The following CENPP variants were observed in gnomAD, a reference collection of about 807,000 sequenced individuals.
The protein encoded by CENPP is centromere protein P.
A neutral mutation model predicts 35.6 loss-of-function variants in CENPP; 24 were observed. That is an observed-to-expected ratio of 0.67 (90% CI 0.49 to 0.95). The LOEUF is 0.95. Among genes scored for constraint, CENPP ranks in the 40% least tolerant of loss-of-function variants. The probability of loss-of-function intolerance (pLI) is 0.00; values close to 1 mark genes in which losing one functional copy is unlikely to be tolerated. For missense variants in CENPP, 332 were observed against 345.3 expected (o/e 0.96, Z 0.31); for synonymous variants, 120 against 125.5 (o/e 0.96, Z 0.29).
intron 5 of CENPP, among the ~76,000 whole-genome samples, chr9:92,454,056 C>G (rs1844799148): frequency 1.3e-5 from 2 of 152,108 alleles, no homozygotes; most frequent in Admixed American, 1.3e-4. Flanking sequence ...TTCATAAACC[C>G]AATAAATAGT....
intron 5 of CENPP, among the ~76,000 whole-genome samples, chr9:92,445,807 T>A (rs1161459517): frequency 6.6e-6 from 1 of 151,532 alleles, no homozygotes. Context: ...CACTTGAACC[T>A]GAGAGGTGGA....
intron 5 of CENPP, among the ~76,000 whole-genome samples, chr9:92,572,703 C>T (rs1036087809): frequency 4.6e-5 from 7 of 152,174 alleles, no homozygotes; most frequent in African/African-American, 1.7e-4. Flanking sequence ...TGGTTCCATT[C>T]TCCCCGTCAC....
chr9:92,357,350 C>A lies in CENPP; in HGVS notation c.467+11563C>A, dbSNP rs77922687. ...TCTTACAGAGAAAGTTTAATGATAACCAACTCCCTCAACTTTTGTTTGCCT... is the reference window on the plus strand; with the variant it reads ...TCTTACAGAGAAAGTTTAATGATAAACAACTCCCTCAACTTTTGTTTGCCT... On this transcript the variant is annotated intron_variant, in intron 4 of 7. Coordinates refer to ENST00000375587, the MANE Select transcript of CENPP (RefSeq NM_001012267.3). Among the ~76,000 whole-genome samples, 81 of 151,920 alleles carry A rather than the reference C, an allele frequency of 5.3e-4. 2 individuals carry two copies. The East Asian group carries it at 0.015, about 29-fold the overall frequency.
chr9:92,544,108 T>C (rs1849375406), intron 5 of CENPP, among the ~76,000 whole-genome samples: 2 of 152,378 alleles, frequency 1.3e-5, no homozygotes, highest in Non-Finnish European at 1.5e-5. Context: ...TGTTGTCTTA[T>C]TCCTGATCTT....
chr9:92,535,196 A>G (rs747195383), intron 5 of CENPP, among the ~76,000 whole-genome samples: 5 of 152,226 alleles, frequency 3.3e-5, no homozygotes, highest in Non-Finnish European at 7.3e-5. Context: ...CAAAATCAGT[A>G]TCTAAACAGT....
chr9:92,339,516 T>C (rs1489656995), intron 3 of CENPP: 2 of 152,230 alleles, frequency 1.3e-5, no homozygotes, highest in African/African-American at 4.8e-5. Context: ...GCTCCCAGCC[T>C]GTACTCGTCT....
intron 5 of CENPP, among the ~76,000 whole-genome samples, chr9:92,489,517 C>T (rs1289339547): frequency 6.6e-6 from 1 of 152,192 alleles, no homozygotes; most frequent in Non-Finnish European, 1.5e-5. Flanking sequence ...GTTTGGCTGA[C>T]TGTTTTAAAT....
chr9:92,557,552 G>A (rs781160626), intron 5 of CENPP, among the ~76,000 whole-genome samples: 1 of 152,056 alleles, frequency 6.6e-6, no homozygotes, highest in Non-Finnish European at 1.5e-5. Flanking sequence ...GTTGGACTGG[G>A]TTAATTCAAA....
chr9:92,514,931 G>T, intron 5 of CENPP: 1 of 1,613,932 alleles, frequency 6.2e-7, no homozygotes, highest in South Asian at 1.1e-5. Context: ...CCAGGCCTCT[G>T]CTTTCTGTCT....
At chr9:92,505,602 G>A in intron 5 of CENPP, 1 of 1,611,438 alleles carries the variant, frequency 6.2e-7, no homozygotes, top group Admixed American at 1.7e-5. Context: ...AGTAGGCTAG[G>A]CTCTTCAAAG....
intron 5 of CENPP, among the ~76,000 whole-genome samples, chr9:92,574,609 T>A (rs1245530582): frequency 3.3e-5 from 5 of 152,212 alleles, no homozygotes; most frequent in Non-Finnish European, 7.3e-5. Flanking sequence ...CCCAAATTCA[T>A]GGATTGGAAG....
intron 3 of CENPP, among the ~76,000 whole-genome samples, chr9:92,340,670 G>A (rs1254607898): frequency 6.6e-6 from 1 of 152,078 alleles, no homozygotes; most frequent in Non-Finnish European, 1.5e-5. Context: ...AACATAAATT[G>A]TGAAGATTTC....
chr9:92,494,198 GTC>G, intron 5 of CENPP: 1 of 1,564,344 alleles, frequency 6.4e-7, no homozygotes, highest in African/African-American at 1.3e-5. Flanking sequence ...TTTAGTATCT[GTC>G]TCTGTGTCAT....
intron 5 of CENPP, among the ~76,000 whole-genome samples, chr9:92,483,571 G>T (rs1481307567): frequency 6.6e-6 from 1 of 152,152 alleles, no homozygotes. Context: ...ACTTACTGTT[G>T]TAAGTGACCC....
chr9:92,369,891 A>T (rs1316286491), intron 4 of CENPP, among the ~76,000 whole-genome samples: 1 of 152,144 alleles, frequency 6.6e-6, no homozygotes, highest in Non-Finnish European at 1.5e-5. Context: ...TAGAAGTCTT[A>T]TTCTAGTTTC....
intron 5 of CENPP, among the ~76,000 whole-genome samples, chr9:92,609,924 C>T (rs920068440): frequency 3.9e-5 from 6 of 152,038 alleles, no homozygotes; most frequent in East Asian, 3.9e-4. Flanking sequence ...TTAGTAGAGA[C>T]GGGCTTTCAC....
intron 5 of CENPP, among the ~76,000 whole-genome samples, chr9:92,439,258 T>A (rs7045409): frequency 0.47 from 72,158 of 152,044 alleles, 20,680 homozygotes; most frequent in African/African-American, 0.81. Context: ...CCTGGCTTTC[T>A]TGTCTTTATT....
chr9:92,328,794 T>G (rs1042955444), intron 1 of CENPP, among the ~76,000 whole-genome samples: 1 of 152,240 alleles, frequency 6.6e-6, no homozygotes, highest in African/African-American at 2.4e-5. Context: ...TACACAAATA[T>G]TTTGCTCAAA....
chr9:92,451,621 C>T (rs1299752827), intron 5 of CENPP, among the ~76,000 whole-genome samples: 1 of 152,024 alleles, frequency 6.6e-6, no homozygotes, highest in African/African-American at 2.4e-5. Flanking sequence ...GTAGTTTTTT[C>T]CGATTCTGTG....
Sources: gnomAD v4.1 joint callset for allele counts (sites outside exome capture counted in the v4.1 genomes callset) on GRCh38, gnomAD v4.1.1 for gene constraint, MANE v1.5 for transcripts, NCBI Gene and HGNC (gene_info 2026-07-23, HGNC 2026-07-21) for gene names.